BCKDHB: variants seen among roughly 807,000 people sequenced by gnomAD.
BCKDHB encodes the protein branched chain keto acid dehydrogenase E1 subunit beta.
Under a neutral mutation model 48.5 loss-of-function variants are expected in BCKDHB, and 41 were observed. The observed-to-expected ratio is 0.85, with a 90% CI of 0.66 to 1.10. The LOEUF (loss-of-function observed/expected upper bound fraction) is 1.10, where lower values mean the gene tolerates loss of function less well. BCKDHB is among the 50% of genes least tolerant of loss of function. The pLI is 0.00. For synonymous variants in BCKDHB, 201 were observed against 174.8 expected (o/e 1.15, Z -1.18); for missense variants, 496 against 494.2 (o/e 1.00, Z -0.03).
intron 1 of BCKDHB, among the ~76,000 whole-genome samples, chr6:80,108,468 T>C (rs1447723738): frequency 6.6e-6 from 1 of 151,046 alleles, no homozygotes; most frequent in African/African-American, 2.4e-5. Context: ...TATCATGTTA[T>C]CATGATATAT....
the BCKDHB span, among the ~76,000 whole-genome samples, chr6:80,386,464 A>G: frequency 6.6e-6 from 1 of 151,532 alleles, no homozygotes; most frequent in Non-Finnish European, 1.5e-5. Context: ...TGCCTTGCAA[A>G]ATAGATTTGT....
intron 8 of BCKDHB, among the ~76,000 whole-genome samples, chr6:80,264,596 T>C (rs1446964285): frequency 6.6e-6 from 1 of 152,100 alleles, no homozygotes; most frequent in Non-Finnish European, 1.5e-5. Flanking sequence ...AGAGGAGTGC[T>C]GTCATGGATA....
intron 3 of BCKDHB, among the ~76,000 whole-genome samples, chr6:80,166,942 T>C (rs1772603511): frequency 1.3e-5 from 2 of 152,208 alleles, no homozygotes; most frequent in Non-Finnish European, 2.9e-5. Context: ...TCCTTTTTTT[T>C]GGTATGCCTT....
At chr6:80,140,903 G>T (rs1463243383) in intron 3 of BCKDHB, among the ~76,000 whole-genome samples, 1 of 152,076 alleles carries the variant, frequency 6.6e-6, no homozygotes, top group Non-Finnish European at 1.5e-5. Flanking sequence ...TTGTACCTCT[G>T]GTAGAATTCG....
At chr6:80,308,691 T>C (rs1768000045) in intron 9 of BCKDHB, among the ~76,000 whole-genome samples, 1 of 151,288 alleles carries the variant, frequency 6.6e-6, no homozygotes, top group Non-Finnish European at 1.5e-5. Flanking sequence ...GCCTCCCAGG[T>C]TCACGCCATT....
chr6:80,151,842 T>G (rs1183668313), intron 3 of BCKDHB, among the ~76,000 whole-genome samples: 2 of 152,196 alleles, frequency 1.3e-5, no homozygotes, highest in Non-Finnish European at 2.9e-5. Flanking sequence ...ATGTCCTCCT[T>G]GGTGAATGAC....
At chr6:80,334,246 T>C (rs1270409522) in intron 9 of BCKDHB, among the ~76,000 whole-genome samples, 2 of 152,084 alleles carry the variant, frequency 1.3e-5, no homozygotes, top group Non-Finnish European at 2.9e-5. Context: ...AAACAATAAT[T>C]ACAATTGCTA....
At chr6:80,292,108 A>T (rs1766952601) in intron 9 of BCKDHB, among the ~76,000 whole-genome samples, 1 of 152,174 alleles carries the variant, frequency 6.6e-6, no homozygotes. Flanking sequence ...TTTGTTACTT[A>T]CCACAGGTCA....
the BCKDHB span, among the ~76,000 whole-genome samples, chr6:80,366,713 A>G: frequency 1.3e-5 from 2 of 152,282 alleles, no homozygotes; most frequent in East Asian, 1.9e-4. Context: ...TAGACTTCCA[A>G]CACACTTTCT....
chr6:80,367,762 C>G, the BCKDHB span, among the ~76,000 whole-genome samples: 948 of 152,278 alleles, frequency 6.2e-3, 10 homozygotes, highest in African/African-American at 0.022. Context: ...TTGCTGAACT[C>G]CCATGCATTG....
At chr6:80,432,503 G>C in the BCKDHB span, among the ~76,000 whole-genome samples, 6 of 152,058 alleles carry the variant, frequency 3.9e-5, no homozygotes, top group African/African-American at 1.2e-4. Context: ...GCTTCACGAA[G>C]TTCTCGTGCT....
Position 80,345,433 on chromosome 6 carries a change from T to G in BCKDHB, c.*1629T>G, listed in dbSNP as rs1770152497. 1 of 152,178 alleles carries G rather than the reference T, an allele frequency of 6.6e-6. No individual in the cohort carries two copies. Among genetic ancestry groups the G allele is most frequent in the Non-Finnish European group, 1.5e-5 (1 of 68,028 alleles). 9.4% of individuals were successfully genotyped at this position (152,178 alleles called of 1,614,324 possible). A position where few individuals can be genotyped will look rare whatever the true frequency, so the allele number is the denominator to read the frequency against. ...GGTAGTAAATCTAGCTCACTGAAAA[T>G]CAGAGTGAAACGCCTTTACATTTGT... On this transcript the variant is annotated 3_prime_UTR_variant, in exon 10 of 10. Transcript: ENST00000320393.
chr6:80,315,619 T>C (rs1450392995), intron 9 of BCKDHB, among the ~76,000 whole-genome samples: 1 of 151,898 alleles, frequency 6.6e-6, no homozygotes, highest in Non-Finnish European at 1.5e-5. Flanking sequence ...TTAAGTTATT[T>C]ATTTTTATTT....
At chr6:80,384,722 TG>T in the BCKDHB span, among the ~76,000 whole-genome samples, 1 of 152,160 alleles carries the variant, frequency 6.6e-6, no homozygotes, top group African/African-American at 2.4e-5. Flanking sequence ...CAGCCTATTG[TG>T]GGACCTTGTG....
the BCKDHB span, among the ~76,000 whole-genome samples, chr6:80,378,799 G>A: frequency 2.0e-5 from 3 of 151,930 alleles, no homozygotes; most frequent in Non-Finnish European, 4.4e-5. Flanking sequence ...AGTAACATAT[G>A]TTGTTTTTTA....
chr6:80,356,288 G>C, the BCKDHB span: 1 of 152,162 alleles, frequency 6.6e-6, no homozygotes, highest in Non-Finnish European at 1.5e-5. Flanking sequence ...TCTTCTAAGG[G>C]AAGAACTCAT....
intron 1 of BCKDHB, among the ~76,000 whole-genome samples, chr6:80,110,687 G>A (rs1769365556): frequency 1.3e-5 from 2 of 152,206 alleles, no homozygotes; most frequent in South Asian, 4.1e-4. Context: ...GCATCCCTTG[G>A]CACCTGAGCC....
At chr6:80,212,753 T>C (rs918104947) in intron 8 of BCKDHB, among the ~76,000 whole-genome samples, 14 of 152,238 alleles carry the variant, frequency 9.2e-5, no homozygotes, top group Non-Finnish European at 1.8e-4. Flanking sequence ...CAGCTCCAGC[T>C]GGCCCCTCCA....
At chr6:80,306,987 C>A (rs1176906109) in intron 9 of BCKDHB, among the ~76,000 whole-genome samples, 3 of 152,136 alleles carry the variant, frequency 2.0e-5, no homozygotes, top group Non-Finnish European at 2.9e-5. Flanking sequence ...TTGGACCAAC[C>A]TCCAGCATAT....
Sources: allele counts gnomAD v4.1 joint callset (sites outside exome capture counted in the v4.1 genomes callset), GRCh38; gene constraint gnomAD v4.1.1; transcripts MANE v1.5; gene names NCBI Gene and HGNC (gene_info 2026-07-23, HGNC 2026-07-21).